ERMP1: variants seen among roughly 807,000 people sequenced by gnomAD.
ERMP1 encodes the protein Felix-ina.
Under a neutral mutation model 92.0 loss-of-function variants are expected in ERMP1, and 86 were observed. That is an observed-to-expected ratio of 0.93 (90% CI 0.79 to 1.12). ERMP1 has a LOEUF of 1.12. ERMP1 is among the 50% of genes most tolerant of loss of function. The probability of loss-of-function intolerance (pLI) is 0.00; values close to 1 mark genes in which losing one functional copy is unlikely to be tolerated. For synonymous variants in ERMP1, 530 were observed against 412.8 expected (o/e 1.28, Z -3.44); for missense variants, 1,342 against 1,116.3 (o/e 1.20, Z -2.88).
At chr9:5,856,508 A>G (rs1830375697) in intron 6 of ERMP1, 1 of 165,640 alleles carries the variant, frequency 6.0e-6, no homozygotes, top group African/African-American at 2.4e-5. Context: ...CTTGGCCCCA[A>G]CCTCTGGCAC....
At chr9:5,846,921 T>C (rs921629323) in intron 6 of ERMP1, among the ~76,000 whole-genome samples, 1 of 152,192 alleles carries the variant, frequency 6.6e-6, no homozygotes, top group Admixed American at 6.5e-5. Context: ...AAACTCTGAA[T>C]GGGTATGCTG....
At chr9:5,806,163 G>T (rs1202567637) in intron 8 of ERMP1, among the ~76,000 whole-genome samples, 1 of 152,142 alleles carries the variant, frequency 6.6e-6, no homozygotes, top group Admixed American at 6.5e-5. Context: ...CTAGAGAAAT[G>T]ACCTGTGAAG....
At chr9:5,856,949 G>A (rs1014745859) in intron 6 of ERMP1, among the ~76,000 whole-genome samples, 1 of 152,096 alleles carries the variant, frequency 6.6e-6, no homozygotes, top group Admixed American at 6.5e-5. Context: ...AGTCTTGGGG[G>A]CCATTTTAAA....
intron 4 of ERMP1, among the ~76,000 whole-genome samples, chr9:5,820,386 A>G (rs933664965): frequency 1.3e-4 from 20 of 152,224 alleles, no homozygotes; most frequent in African/African-American, 4.8e-4. Flanking sequence ...AATGTATATT[A>G]ATGTTTGCAT....
At chr9:5,859,388 A>G (rs1830430479) in intron 6 of ERMP1, among the ~76,000 whole-genome samples, 1 of 152,228 alleles carries the variant, frequency 6.6e-6, no homozygotes, top group Non-Finnish European at 1.5e-5. Context: ...AATTAGGTAA[A>G]GTTATGATCC....
upstream of ERMP1, among the ~76,000 whole-genome samples, chr9:5,836,993 G>A (rs1336106599): frequency 6.6e-6 from 1 of 152,158 alleles, no homozygotes; most frequent in Non-Finnish European, 1.5e-5. Flanking sequence ...GGTAGGCACA[G>A]AGAAGTTAGA....
In ERMP1 at chr9:5,810,097, A is replaced by G. The variant is rs1411090503; in HGVS notation, c.1462T>C (p.Phe488Leu). 2 of 1,614,016 alleles carry G rather than the reference A, an allele frequency of 1.2e-6. No homozygotes were observed. The highest frequency in any genetic ancestry group is 1.1e-5 in the South Asian group (1 of 91,082). ...IGQSLSWYNHFYVSVCLYGTA... is the reference protein window; with the variant it reads ...IGQSLSWYNHLYVSVCLYGTA... ...CCATACAGACAAACGGAGACATAGA[A>G]GTGGTTATACCATGAGAGAGACTGT... is the stretch of plus-strand genomic sequence containing the variant. The change falls in exon 8 of 15, where the codon TTC (phenylalanine) becomes CTC (leucine). Residue 488 changes from phenylalanine to leucine, a missense_variant. Phe to Leu is a conservative substitution (Grantham distance 22, BLOSUM62 0). Transcript: ENST00000339450.
At chr9:5,817,619 A>T (rs1448479699) in intron 4 of ERMP1, among the ~76,000 whole-genome samples, 1 of 152,220 alleles carries the variant, frequency 6.6e-6, no homozygotes, top group African/African-American at 2.4e-5. Flanking sequence ...CATCATCTAA[A>T]TCCTATGATG....
rs149159934 is a variant in ERMP1, at chr9:5,841,442, A to G, written n.3200-8130T>C. The stretch of plus-strand genomic sequence containing the variant: ...ACACAGGTTGGTGGTTAGAACGGAC[A>G]GGGCAGAGGCGAGAATGGAATCAAC... On this transcript the variant is annotated intron_variant and non_coding_transcript_variant, in intron 6 of 6. Transcript: ENST00000690753. 7.2e-4 allele frequency among the ~76,000 whole-genome samples: 110 copies of G among 152,332 alleles called. 1 individual carries two copies. In the Middle Eastern group the frequency reaches 0.014, roughly 19 times the overall value.
Position 5,801,306 on chromosome 9 carries a change from T to A in ERMP1, c.1937A>T (p.Lys646Met), listed in dbSNP as rs375166716. Residue 646 changes from lysine to methionine, a missense_variant, in exon 11 of 15, where the codon AAG (lysine) becomes ATG (methionine). Lys to Met is a moderately conservative substitution (Grantham distance 95). Coordinates refer to ENST00000339450, the MANE Select transcript of ERMP1 (RefSeq NM_024896.3). The part of the protein sequence containing the change: ...SYFINFIYLA[K>M]STKKTMLTLT... ...AGTTAGCATGGTTTTTTTTGTGCTC[T>A]TGGCAAGGTAGATGAAGTTAATCTG... 1.3e-5 allele frequency: 21 copies of A among 1,612,406 alleles called. No individual in the cohort carries two copies. Among genetic ancestry groups the A allele is most frequent in the Non-Finnish European group, 1.8e-5 (21 of 1,179,404 alleles).
chr9:5,797,791 G>A, intron 13 of ERMP1, 26 bp downstream of exon 13: 5 of 1,360,106 alleles, frequency 3.7e-6, no homozygotes, highest in Non-Finnish European at 5.2e-6. Context: ...ATAAAGGAGG[G>A]GAGAAAAAAC....
chr9:5,860,491 C>A (rs532587443), intron 5 of ERMP1, among the ~76,000 whole-genome samples: 1 of 152,070 alleles, frequency 6.6e-6, no homozygotes, highest in African/African-American at 2.4e-5. Flanking sequence ...GAATGAAGCT[C>A]AGAGCCATAA....
intron 6 of ERMP1, among the ~76,000 whole-genome samples, chr9:5,847,886 C>G (rs1409447243): frequency 6.7e-6 from 1 of 149,966 alleles, no homozygotes; most frequent in African/African-American, 2.5e-5. Context: ...CAGAGCGAGA[C>G]TCCGTCTAAA....
At position 5,812,887 on chromosome 9, in the gene ERMP1, A is replaced by G. The variant is rs1366843630; in HGVS notation, c.1021+2T>C. The G allele has an allele frequency of 6.2e-7, 1 of 1,613,980 alleles. No homozygotes were observed. Among genetic ancestry groups the G allele is most frequent in the Non-Finnish European group, 8.5e-7 (1 of 1,179,848 alleles). ...AGTAGGCCGTAACCATTGACAATAT[A>G]CCTGGAATGTTCCCAAAATCCCTGT... On this transcript the variant is annotated splice_donor_variant, in intron 5 of 14. Transcript: ENST00000339450. LOFTEE classifies it high-confidence loss of function.
chr9:5,854,406 T>C (rs1830346622), intron 6 of ERMP1, among the ~76,000 whole-genome samples: 1 of 152,202 alleles, frequency 6.6e-6, no homozygotes, highest in Non-Finnish European at 1.5e-5. Flanking sequence ...ATCAATTATT[T>C]ATAATATGCT....
At position 5,810,111 on chromosome 9, in the gene ERMP1, G is replaced by A. The variant is rs1449023291; in HGVS notation, c.1448C>T (p.Ser483Leu). ...GGAGACATAGAAGTGGTTATACCAT[G>A]AGAGAGACTGTCCAATAAGAGAGAT... ...VFISLIGQSL[S>L]WYNHFYVSVC... Residue 483 changes from serine to leucine, a missense_variant, in exon 8 of 15, where the codon TCA (serine) becomes TTA (leucine). Coordinates refer to ENST00000339450, the MANE Select transcript of ERMP1 (RefSeq NM_024896.3). The A allele has an allele frequency of 6.2e-7, 1 of 1,613,660 alleles. No homozygotes were observed. The highest frequency in any genetic ancestry group is 8.5e-7 in the Non-Finnish European group (1 of 1,179,576).
At chr9:5,864,657 G>A (rs937207843) in intron 5 of ERMP1, among the ~76,000 whole-genome samples, 2 of 152,190 alleles carry the variant, frequency 1.3e-5, no homozygotes, top group Admixed American at 6.5e-5. Flanking sequence ...TTCCAGATCC[G>A]CAAGAATTCT....
intron 5 of ERMP1, 64 bp downstream of exon 5, chr9:5,812,825 A>C (rs1301403435): frequency 4.5e-6 from 7 of 1,570,800 alleles, no homozygotes; most frequent in Non-Finnish European, 6.1e-6. Context: ...CATACTTTCA[A>C]GATTTAAAAT....
In ERMP1 at chr9:5,830,926, A is replaced by G. The variant is rs1829915609; in HGVS notation, c.441T>C (p.Ile147=). 1 of 1,613,912 alleles carries G rather than the reference A, an allele frequency of 6.2e-7. No homozygotes were observed. The highest frequency in any genetic ancestry group is 1.3e-5 in the African/African-American group (1 of 74,886). ...TATGAAGGCTGTTGCTTTGCACTTC[A>G]ATCAGTTTAATCTGTTCCAAAAGGT... ...VHYLLEQIKL[I]EVQSNSLHKI... The change falls in exon 2 of 15, where the codon ATT becomes ATC. Residue 147 remains isoleucine, a synonymous_variant. Coordinates refer to ENST00000339450, the MANE Select transcript of ERMP1 (RefSeq NM_024896.3).
Sources: allele counts gnomAD v4.1 joint callset (sites outside exome capture counted in the v4.1 genomes callset), GRCh38; gene constraint gnomAD v4.1.1; transcripts MANE v1.5; gene names NCBI Gene and HGNC (gene_info 2026-07-23, HGNC 2026-07-21).